AHCTF1: variants seen among roughly 807,000 people sequenced by gnomAD.
AHCTF1 encodes the protein AT-hook containing transcription factor 1, also known as protein ELYS.
A neutral mutation model predicts 248.4 loss-of-function variants in AHCTF1; 24 were observed. The ratio of observed to expected loss-of-function variants is 0.10; its 90% confidence interval spans 0.07 to 0.14. The LOEUF is 0.14. Among genes scored for constraint, AHCTF1 ranks in the 10% least tolerant of loss-of-function variants. AHCTF1 has a pLI of 1.00. For synonymous variants in AHCTF1, 786 were observed against 929.8 expected (o/e 0.85, Z 2.81); for missense variants, 2,206 against 2,636.2 (o/e 0.84, Z 3.57).
intron 11 of AHCTF1, 148 bp downstream of exon 11, chr1:246,899,303 A>G (rs1008723264): frequency 1.6e-5 from 9 of 562,520 alleles, no homozygotes; most frequent in Non-Finnish European, 2.4e-5. Context: ...AACTGATACT[A>G]CTAGTTGATA....
chr1:246,890,489 A>G (rs1664140343), intron 16 of AHCTF1, among the ~76,000 whole-genome samples: 1 of 152,190 alleles, frequency 6.6e-6, no homozygotes, highest in South Asian at 2.1e-4. Context: ...TATATTCTAA[A>G]CAAATATAGC....
At position 246,899,281 on chromosome 1, in the gene AHCTF1, G is replaced by C. The variant is rs138070764; in HGVS notation, c.1494+170C>G. On this transcript the variant is annotated intron_variant, in intron 11 of 35. Coordinates refer to ENST00000648844, the MANE Select transcript of AHCTF1 (RefSeq NM_001323342.2). ...AAACATACAATACGTCTTCCGGCAG[G>C]CTGTCATTAGTAACTGATACTACTA... Among the ~76,000 whole-genome samples, 23 of 152,200 alleles carry C rather than the reference G, an allele frequency of 1.5e-4. No individual in the cohort carries two copies. In the East Asian group the frequency reaches 4.4e-3, roughly 29 times the overall value.
chr1:246,845,693 A>G (rs551407428), intron 33 of AHCTF1, among the ~76,000 whole-genome samples: 3 of 152,326 alleles, frequency 2.0e-5, no homozygotes, highest in East Asian at 1.9e-4. Context: ...TATAGCACAG[A>G]TGAGACTTTC....
At chr1:246,892,951 T>C (rs773863728) in intron 14 of AHCTF1, among the ~76,000 whole-genome samples, 7 of 152,182 alleles carry the variant, frequency 4.6e-5, no homozygotes, top group Non-Finnish European at 8.8e-5. Flanking sequence ...TAATCTCTAA[T>C]ACTTTTAAAA....
rs765350660 is a variant in AHCTF1, at chr1:246,887,192, T to C, written c.2472+19A>G. 24 of 1,583,430 alleles carry C rather than the reference T, an allele frequency of 1.5e-5. No individual in the cohort carries two copies. In the Admixed American group the frequency reaches 4.1e-4, roughly 27 times the overall value. Reference sequence around the variant, plus strand: ...TCTAGTAATTCATGAAAGTTTATGCTGTAAGTGAATAGACTTACCTCATAG... The same window carrying C: ...TCTAGTAATTCATGAAAGTTTATGCCGTAAGTGAATAGACTTACCTCATAG... On this transcript the variant is annotated intron_variant, in intron 20 of 35. Transcript: ENST00000648844.
In AHCTF1 at chr1:246,887,164, A is replaced by C. The variant is rs112436963; in HGVS notation, c.2472+47T>G. On this transcript the variant is annotated intron_variant, in intron 20 of 35. Coordinates refer to ENST00000648844, the MANE Select transcript of AHCTF1 (RefSeq NM_001323342.2). ...AATTTAAATTATGTGTATTTTCTAA[A>C]ATTCTAGTAATTCATGAAAGTTTAT... is the stretch of plus-strand genomic sequence containing the variant. 1.5e-4 allele frequency: 239 copies of C among 1,548,296 alleles called. 1 individual carries two copies. The African/African-American group carries it at 2.9e-3, about 19-fold the overall frequency.
At chr1:246,905,706 GA>G in intron 5 of AHCTF1, 49 bp from the exon 6 acceptor site, 10 of 1,450,256 alleles carry the variant, frequency 6.9e-6, no homozygotes, top group Admixed American at 3.5e-5. Context: ...TTTTAGAAAG[GA>G]AAAAGGTACA....
At chr1:246,912,888 C>T (rs1204364165) in intron 4 of AHCTF1, among the ~76,000 whole-genome samples, 2 of 152,018 alleles carry the variant, frequency 1.3e-5, no homozygotes, top group Non-Finnish European at 2.9e-5. Context: ...TGATAAGGCT[C>T]AAGATTTCTT....
chr1:246,929,857 G>C (rs569683930), intron 1 of AHCTF1, among the ~76,000 whole-genome samples: 1 of 152,156 alleles, frequency 6.6e-6, no homozygotes, highest in Non-Finnish European at 1.5e-5. Flanking sequence ...TTCAAGACCA[G>C]CCTGGCCAAT....
chr1:246,869,122 C>T (rs574142458), intron 24 of AHCTF1, among the ~76,000 whole-genome samples: 56 of 152,008 alleles, frequency 3.7e-4, no homozygotes, highest in African/African-American at 2.7e-4. Context: ...GGATTACAGG[C>T]GTGAGCCACC....
intron 30 of AHCTF1, among the ~76,000 whole-genome samples, chr1:246,857,318 CT>C (rs908099330): frequency 1.9e-4 from 27 of 144,640 alleles, no homozygotes; most frequent in Admixed American, 4.6e-4. Context: ...GGAAATAAAA[CT>C]GTCTGTCATC....
intron 4 of AHCTF1, among the ~76,000 whole-genome samples, chr1:246,912,233 TTGGGAGGCC>T (rs1254048362): frequency 6.6e-6 from 1 of 151,866 alleles, no homozygotes; most frequent in Admixed American, 6.6e-5. Flanking sequence ...ATCCCAGCAC[TTGGGAGGCC>T]AAGGCGGGCG....
chr1:246,843,745 A>G, intron 34 of AHCTF1, 50 bp downstream of exon 34: 1 of 1,222,306 alleles, frequency 8.2e-7, no homozygotes, highest in South Asian at 2.8e-5. Context: ...ATTTGTAAAA[A>G]AAAAAAGTAT....
intron 26 of AHCTF1, chr1:246,864,353 C>T (rs1171270239): frequency 2.6e-6 from 1 of 390,700 alleles, no homozygotes; most frequent in African/African-American, 2.1e-5. Flanking sequence ...TTTGCGTCGT[C>T]CTCCTTCCCT....
At chr1:246,899,999 A>G in intron 10 of AHCTF1, 66 bp downstream of exon 10, 2 of 1,442,136 alleles carry the variant, frequency 1.4e-6, no homozygotes, top group Non-Finnish European at 1.9e-6. Flanking sequence ...TAAACTACAC[A>G]ACGTATACAT....
At chr1:246,855,849 C>CTAAGGTATGTATTT in intron 30 of AHCTF1, 22 bp from the exon 31 acceptor site, 1 of 1,578,546 alleles carries the variant, frequency 6.3e-7, no homozygotes. Flanking sequence ...GAAATACATA[C>CTAAGGTATGTATTT]CTTAGTGTGT....
intron 1 of AHCTF1, among the ~76,000 whole-genome samples, chr1:246,920,318 TAAG>T (rs1201463798): frequency 2.0e-5 from 3 of 151,980 alleles, no homozygotes; most frequent in Non-Finnish European, 4.4e-5. Flanking sequence ...TTTAGCTTGA[TAAG>T]AAACTGTAAA....
chr1:246,906,457 A>G (rs1162466585), intron 5 of AHCTF1, among the ~76,000 whole-genome samples: 1 of 151,952 alleles, frequency 6.6e-6, no homozygotes, highest in East Asian at 1.9e-4. Flanking sequence ...TGGTGCACAC[A>G]TGTAATCCCA....
At position 246,927,102 on chromosome 1, in the gene AHCTF1, C is replaced by T. The variant is rs113926329; in HGVS notation, c.-8+4476G>A. On this transcript the variant is annotated intron_variant, in intron 1 of 35. Coordinates refer to ENST00000648844, the MANE Select transcript of AHCTF1 (RefSeq NM_001323342.2). The stretch of plus-strand genomic sequence containing the variant: ...CTGAGGAGGGAGAATGGCGTGAACC[C>T]GGGAGGCGGAGCTTGCAGTGAGCCA... Among the ~76,000 whole-genome samples the T allele has an allele frequency of 9.0e-3, 1,359 of 151,688 alleles. 15 individuals are homozygous for T. The highest frequency in any genetic ancestry group is 0.031 in the African/African-American group (1,288 of 41,320).
Sources: gnomAD v4.1 joint callset for allele counts (sites outside exome capture counted in the v4.1 genomes callset) on GRCh38, gnomAD v4.1.1 for gene constraint, MANE v1.5 for transcripts, NCBI Gene and HGNC (gene_info 2026-07-23, HGNC 2026-07-21) for gene names.